Variants in SDCCAG8 observed in about 807,000 individuals in gnomAD.
SDCCAG8 encodes SHH signaling and ciliogenesis regulator SDCCAG8, also known as serologically defined colon cancer antigen 8.
Under a neutral mutation model 101.8 loss-of-function variants are expected in SDCCAG8, and 74 were observed. The observed-to-expected ratio is 0.73, with a 90% CI of 0.60 to 0.88. SDCCAG8 has a LOEUF of 0.88. Ranked by LOEUF, SDCCAG8 falls within the 40% of genes least tolerant of loss-of-function variation. The pLI is 0.00. For synonymous variants in SDCCAG8, 281 were observed against 292.9 expected, an observed-to-expected ratio of 0.96 and a Z score of 0.41; for missense variants, 787 against 822.6, an observed-to-expected ratio of 0.96 and a Z score of 0.53.
At chr1:243,425,612 C>G (rs926679583) in intron 15 of SDCCAG8, among the ~76,000 whole-genome samples, 1 of 152,104 alleles carries the variant, frequency 6.6e-6, no homozygotes, top group Non-Finnish European at 1.5e-5. Flanking sequence ...ACTTTCCATT[C>G]TAACTGATTA....
chr1:243,363,082 C>T (rs1191029385), intron 12 of SDCCAG8, among the ~76,000 whole-genome samples: 7 of 152,184 alleles, frequency 4.6e-5, no homozygotes, highest in Non-Finnish European at 7.3e-5. Context: ...TTGATCAGCA[C>T]ATCGGTGGCA....
chr1:243,329,650 T>C (rs1052875713), intron 9 of SDCCAG8, among the ~76,000 whole-genome samples: 6 of 152,204 alleles, frequency 3.9e-5, no homozygotes, highest in African/African-American at 1.4e-4. Context: ...ACCTTACTTT[T>C]ATTAGGATTT....
intron 13 of SDCCAG8, among the ~76,000 whole-genome samples, chr1:243,384,308 T>G (rs889759262): frequency 2.0e-5 from 3 of 152,174 alleles, no homozygotes; most frequent in Non-Finnish European, 4.4e-5. Context: ...TGTATGACTA[T>G]TCTTTCAAGC....
At chr1:243,383,774 T>C (rs1381711303) in intron 13 of SDCCAG8, among the ~76,000 whole-genome samples, 2 of 152,194 alleles carry the variant, frequency 1.3e-5, no homozygotes, top group South Asian at 4.1e-4. Context: ...CAACATGGCA[T>C]GTGAGGTCAT....
rs116519159 is a variant in SDCCAG8, at chr1:243,463,842, G to C, written c.1986-25172G>C. On this transcript the variant is annotated intron_variant, in intron 16 of 17. Transcript: ENST00000366541. ...GGAGGGTAATGAGACCGTTCTGCCA[G>C]TAGGGCACATGGCCACATAGACTGT... Among the ~76,000 whole-genome samples the C allele has an allele frequency of 3.6e-3, 542 of 152,152 alleles. 4 individuals carry two copies. The highest frequency in any genetic ancestry group is 0.012 in the African/African-American group (504 of 41,510).
chr1:243,497,418 G>A (rs749134093), intron 17 of SDCCAG8, among the ~76,000 whole-genome samples: 64 of 151,372 alleles, frequency 4.2e-4, no homozygotes, highest in Admixed American at 2.6e-4. Flanking sequence ...CACCTGAACC[G>A]CAGGAAATAC....
At chr1:243,375,833 A>T (rs1294204782) in intron 12 of SDCCAG8, among the ~76,000 whole-genome samples, 1 of 152,038 alleles carries the variant, frequency 6.6e-6, no homozygotes, top group Non-Finnish European at 1.5e-5. Context: ...CTGGCAAGAG[A>T]TTTCTCTTCT....
chr1:243,477,447 A>G (rs1351688597), intron 16 of SDCCAG8, among the ~76,000 whole-genome samples: 1 of 152,220 alleles, frequency 6.6e-6, no homozygotes, highest in Non-Finnish European at 1.5e-5. Flanking sequence ...TCTAAGATTC[A>G]TAACGTGTCA....
chr1:243,427,060 G>A lies in SDCCAG8; in HGVS notation c.1985+502G>A, dbSNP rs565643749. On this transcript the variant is annotated intron_variant, in intron 16 of 17. Transcript: ENST00000366541. Reference sequence around the variant, plus strand: ...TGAGCAAGTCACTTAAGTTCTCTGAGTGACTGTTTCTTCACCTATATATTG... The same window carrying A: ...TGAGCAAGTCACTTAAGTTCTCTGAATGACTGTTTCTTCACCTATATATTG... Among the ~76,000 whole-genome samples the A allele has an allele frequency of 4.1e-4, 62 of 152,262 alleles. 1 individual carries two copies. Among genetic ancestry groups the A allele is most frequent in the African/African-American group, 1.4e-3 (60 of 41,554 alleles).
At chr1:243,389,181 A>G (rs183595870) in intron 13 of SDCCAG8, among the ~76,000 whole-genome samples, 2 of 150,730 alleles carry the variant, frequency 1.3e-5, no homozygotes, top group African/African-American at 4.9e-5. Context: ...AATAAATAAA[A>G]ATGCAAGTCC....
chr1:243,366,942 C>CA (rs2077022678), intron 12 of SDCCAG8, among the ~76,000 whole-genome samples: 1 of 151,656 alleles, frequency 6.6e-6, no homozygotes, highest in Admixed American at 6.6e-5. Context: ...AGTATGTGCT[C>CA]AAAAATATTT....
At chr1:243,338,157 C>T (rs977859338) in intron 10 of SDCCAG8, among the ~76,000 whole-genome samples, 6 of 152,112 alleles carry the variant, frequency 3.9e-5, no homozygotes, top group Non-Finnish European at 8.8e-5. Flanking sequence ...CCTGGCAGTC[C>T]TCCTGCCTCA....
intron 16 of SDCCAG8, among the ~76,000 whole-genome samples, chr1:243,469,831 T>G (rs773701035): frequency 0.012 from 1,272 of 103,062 alleles, 6 homozygotes; most frequent in Non-Finnish European, 0.017. Flanking sequence ...AAAGTGTTGG[T>G]TTTTTTTTTT....
rs1255003547 is a variant in SDCCAG8, at chr1:243,368,234, G to GAGAAA, written c.1474-10477_1474-10473dup. ...CTCAAAAAAAAAAAAAGAAGAAGAA[G>GAGAAA]AGAAAAGAAAAGAAGGGCCAAACTG... On this transcript the variant is annotated intron_variant, in intron 12 of 17. Transcript: ENST00000366541. Among the ~76,000 whole-genome samples the GAGAAA allele has an allele frequency of 2.6e-5, 4 of 151,028 alleles. No homozygotes were observed. The East Asian group carries it at 7.8e-4, about 29-fold the overall frequency.
intron 16 of SDCCAG8, among the ~76,000 whole-genome samples, chr1:243,472,408 G>A (rs1301406750): frequency 6.6e-6 from 1 of 152,180 alleles, no homozygotes; most frequent in Non-Finnish European, 1.5e-5. Context: ...TAAGTCCAGG[G>A]CTGGAGAAAG....
intron 16 of SDCCAG8, among the ~76,000 whole-genome samples, chr1:243,456,332 C>A (rs1335433650): frequency 6.6e-6 from 1 of 152,104 alleles, no homozygotes; most frequent in African/African-American, 2.4e-5. Flanking sequence ...ATGCAGATGA[C>A]CCAGGGTCAC....
intron 1 of SDCCAG8, among the ~76,000 whole-genome samples, chr1:243,260,986 A>C (rs563814661): frequency 2.0e-5 from 3 of 152,164 alleles, no homozygotes; most frequent in South Asian, 4.1e-4. Context: ...CGTTTCCTCA[A>C]CTGTAAAACG....
chr1:243,397,655 G>A lies in SDCCAG8; in HGVS notation c.1617-18047G>A, dbSNP rs1267357418. Among the ~76,000 whole-genome samples, 3 of 152,140 alleles carry A rather than the reference G, an allele frequency of 2.0e-5. 1 individual carries two copies. The highest frequency in any genetic ancestry group is 6.3e-3 in the Middle Eastern group (2 of 316). On this transcript the variant is annotated intron_variant, in intron 13 of 17. Transcript: ENST00000366541. ...GATCTCTGTTCATTTTGTGAAGTCC[G>A]GTTTGATTGTTTCAGTAGGAATAAT...
rs773167463 is a variant in SDCCAG8 at position 243,304,807 on chromosome 1, A to G, written c.740+30A>G. The stretch of plus-strand genomic sequence containing the variant: ...AGTGAAATCGTCCATTTATAGTCAT[A>G]CCAAAAGCATAATGATCTTAAAATA... On this transcript the variant is annotated intron_variant, in intron 7 of 17. Transcript: ENST00000366541. 7 of 1,250,202 alleles carry G rather than the reference A, an allele frequency of 5.6e-6. No homozygotes were observed. In the Admixed American group the frequency reaches 8.4e-5, roughly 15 times the overall value. The allele number at this position is 1,250,202 out of a possible 1,614,324, so 77.4% of individuals were successfully genotyped here. A position where few individuals can be genotyped will look rare whatever the true frequency, so the allele number is the denominator to read the frequency against.
Sources: gnomAD v4.1 joint callset for allele counts (sites outside exome capture counted in the v4.1 genomes callset) on GRCh38, gnomAD v4.1.1 for gene constraint, MANE v1.5 for transcripts, NCBI Gene and HGNC (gene_info 2026-07-23, HGNC 2026-07-21) for gene names.